ACSL5: variants seen among roughly 807,000 people sequenced by gnomAD.
The protein encoded by ACSL5 is acyl-CoA synthetase long chain family member 5.
Under a neutral mutation model 84.9 loss-of-function variants are expected in ACSL5, and 50 were observed. The ratio of observed to expected loss-of-function variants is 0.59; its 90% CI spans 0.47 to 0.75. The LOEUF (loss-of-function observed/expected upper bound fraction) is 0.75. Among genes scored for constraint, ACSL5 ranks in the 30% least tolerant of loss-of-function variants. ACSL5 has a pLI of 0.00. For missense variants in ACSL5, 775 were observed against 830.4 expected, an observed-to-expected ratio of 0.93 and a Z score of 0.82; for synonymous variants, 280 against 300.7, an observed-to-expected ratio of 0.93 and a Z score of 0.71.
chr10:112,388,629 C>G (rs1041671459), intron 1 of ACSL5, among the ~76,000 whole-genome samples: 6 of 152,138 alleles, frequency 3.9e-5, no homozygotes, highest in African/African-American at 1.4e-4. Flanking sequence ...AGAGACACAG[C>G]AGTAAACAAA....
chr10:112,376,760 C>G (rs1274620867), intron 1 of ACSL5, among the ~76,000 whole-genome samples: 1 of 152,172 alleles, frequency 6.6e-6, no homozygotes, highest in African/African-American at 2.4e-5. Context: ...GCATAGCTCC[C>G]CTGAGGTGGG....
intron 3 of ACSL5, among the ~76,000 whole-genome samples, chr10:112,399,947 G>A (rs561144211): frequency 1.3e-5 from 2 of 152,178 alleles, no homozygotes; most frequent in South Asian, 4.1e-4. Flanking sequence ...AAGTGTGTCT[G>A]TTTGACTTGG....
chr10:112,411,605 C>A, intron 10 of ACSL5, 76 bp downstream of exon 10: 1 of 1,300,646 alleles, frequency 7.7e-7, no homozygotes, highest in Non-Finnish European at 1.1e-6. Flanking sequence ...GAGGTTAGAG[C>A]AGGCAGACAC....
chr10:112,407,542 G>C (rs188210206), intron 5 of ACSL5, among the ~76,000 whole-genome samples: 3 of 152,114 alleles, frequency 2.0e-5, no homozygotes, highest in Admixed American at 1.3e-4. Flanking sequence ...ATTTGAATGG[G>C]TACGCAGCTA....
At chr10:112,422,951 G>A (rs1006613015) in intron 17 of ACSL5, among the ~76,000 whole-genome samples, 8 of 150,122 alleles carry the variant, frequency 5.3e-5, no homozygotes, top group African/African-American at 2.0e-4. Flanking sequence ...CACTTTGGGA[G>A]GCCGAGGCGG....
intron 9 of ACSL5, 23 bp downstream of exon 9, chr10:112,410,658 C>G: frequency 6.2e-7 from 1 of 1,608,636 alleles, no homozygotes; most frequent in Non-Finnish European, 8.5e-7. Flanking sequence ...GAAACTGAAC[C>G]TTAGACCCCT....
rs527651287 is a variant in ACSL5, at chr10:112,394,774, G to A, written c.-29-144G>A. 4.7e-6 allele frequency: 7 copies of A among 1,480,280 alleles called. No individual in the cohort carries two copies. The East Asian group carries it at 1.7e-4, about 35-fold the overall frequency. The allele number at this position is 1,480,280 out of a possible 1,614,324, so 91.7% of individuals were successfully genotyped here. A position where few individuals can be genotyped will look rare whatever the true frequency, so the allele number is the denominator to read the frequency against. ...TGGGGGAAATTCTGCCACTAGAGAG[G>A]TACAACTGTGTTTGAGGGTTTGAAG... On this transcript the variant is annotated intron_variant, in intron 1 of 20. Transcript: ENST00000354655.
rs35032191 is a variant in ACSL5, at chr10:112,387,936, C to CTTT, written c.-29-6965_-29-6963dup. ...AGGTAACAGAATGATTTATTTGTTC[C>CTTT]TTTTTTTTTTTTTTTTTTTGGAGAC... On this transcript the variant is annotated intron_variant, in intron 1 of 20. Coordinates refer to ENST00000354655, the MANE Select transcript of ACSL5 (RefSeq NM_203379.2). Among the ~76,000 whole-genome samples, 480 of 118,392 alleles carry CTTT rather than the reference C, an allele frequency of 4.1e-3. 8 individuals are homozygous for CTTT. Among genetic ancestry groups the CTTT allele is most frequent in the East Asian group, 6.7e-3 (27 of 4,056 alleles). 77.7% of individuals were successfully genotyped at this position (118,392 alleles called of 152,430 possible).
chr10:112,401,839 TCTTC>T (rs59769866), intron 3 of ACSL5, among the ~76,000 whole-genome samples: 6,739 of 91,762 alleles, frequency 0.073, 227 homozygotes, highest in Middle Eastern at 0.11. Context: ...TTTCTTTCTT[TCTTC>T]CTTCCTTCCT....
At chr10:112,419,548 T>C (rs1844406342) in intron 14 of ACSL5, 1 of 152,206 alleles carries the variant, frequency 6.6e-6, no homozygotes, top group South Asian at 2.1e-4. Context: ...GCATTCTGAA[T>C]CTGAAAATCC....
chr10:112,413,437 C>A, intron 12 of ACSL5, 130 bp downstream of exon 12: 1 of 1,174,974 alleles, frequency 8.5e-7, no homozygotes, highest in Non-Finnish European at 1.2e-6. Context: ...TGTGTAAATA[C>A]AATCCCCGCC....
chr10:112,408,820 A>G (rs1460295164), intron 6 of ACSL5: 3 of 246,212 alleles, frequency 1.2e-5, no homozygotes, highest in Non-Finnish European at 2.4e-5. Context: ...AAAAGCCCAG[A>G]GAGTGAGCTT....
rs547343540 is a variant in ACSL5, at chr10:112,398,433, C to T, written c.157-468C>T. The stretch of plus-strand genomic sequence containing the variant: ...CTTTTTTTTTTTTCTGAGACGGAGT[C>T]TCACTCCGTTGCCCAGGCTGGAGTG... On this transcript the variant is annotated intron_variant, in intron 2 of 20. Coordinates refer to ENST00000354655, the MANE Select transcript of ACSL5 (RefSeq NM_203379.2). 1.1e-4 allele frequency among the ~76,000 whole-genome samples: 17 copies of T among 151,312 alleles called. No individual in the cohort carries two copies. The East Asian group carries it at 3.1e-3, about 28-fold the overall frequency.
chr10:112,414,428 T>A (rs1844269730), intron 12 of ACSL5, among the ~76,000 whole-genome samples: 1 of 145,274 alleles, frequency 6.9e-6, no homozygotes, highest in African/African-American at 2.6e-5. Flanking sequence ...CGATCTCAGC[T>A]CACTGCAACC....
intron 1 of ACSL5, among the ~76,000 whole-genome samples, chr10:112,377,937 A>G (rs1849272025): frequency 6.6e-6 from 1 of 152,260 alleles, no homozygotes; most frequent in African/African-American, 2.4e-5. Flanking sequence ...TTATTAAAAA[A>G]GAGAAAACAC....
In ACSL5 at chr10:112,420,193, C is replaced by T. The variant is rs538811143; in HGVS notation, c.1315-1400C>T. 2.1e-4 allele frequency among the ~76,000 whole-genome samples: 32 copies of T among 152,230 alleles called. No homozygotes were observed. The South Asian group carries it at 3.5e-3, about 17-fold the overall frequency. ...GCAGGTCCTGTTGCTAACTCCTTCC[C>T]GAAATGTCTTCTCTAAGCCTTCCTC... On this transcript the variant is annotated intron_variant, in intron 14 of 20. Coordinates refer to ENST00000354655, the MANE Select transcript of ACSL5 (RefSeq NM_203379.2).
chr10:112,409,238 A>C, intron 6 of ACSL5: 1 of 393,070 alleles, frequency 2.5e-6, no homozygotes, highest in South Asian at 5.0e-5. Context: ...GGTTATCTGA[A>C]TGACTTCTTA....
chr10:112,416,470 CAAAAA>C (rs35770074), intron 12 of ACSL5, among the ~76,000 whole-genome samples: 6 of 58,398 alleles, frequency 1.0e-4, no homozygotes, highest in African/African-American at 3.3e-4. Context: ...GACTCTGTCT[CAAAAA>C]AAAAAAAAAA....
chr10:112,403,248 T>C (rs1391132461), intron 3 of ACSL5, among the ~76,000 whole-genome samples: 1 of 152,242 alleles, frequency 6.6e-6, no homozygotes, highest in Non-Finnish European at 1.5e-5. Context: ...ACTTAGACTA[T>C]AGTAATAACT....
Sources: gnomAD v4.1 joint callset for allele counts (sites outside exome capture counted in the v4.1 genomes callset) on GRCh38, gnomAD v4.1.1 for gene constraint, MANE v1.5 for transcripts, NCBI Gene and HGNC (gene_info 2026-07-23, HGNC 2026-07-21) for gene names.